Variants in LRRC37A2 observed in about 807,000 individuals in gnomAD.
The protein encoded by LRRC37A2 is leucine rich repeat containing 37 member A2, also known as leucine-rich repeat-containing protein 37A2.
LRRC37A2 carries 9 observed loss-of-function variants against 68.8 expected under a neutral mutation model. That is an observed-to-expected ratio of 0.13 (90% CI 0.08 to 0.23). The LOEUF is 0.23. Among genes scored for constraint, LRRC37A2 ranks in the 10% least tolerant of loss-of-function variants. The probability of loss-of-function intolerance (pLI) is 1.00; values close to 1 mark genes in which losing one functional copy is unlikely to be tolerated. For synonymous variants in LRRC37A2, 63 were observed against 367.6 expected (o/e 0.17, Z 9.48); for missense variants, 168 against 950.4 (o/e 0.18, Z 10.82).
the LRRC37A2 span, among the ~76,000 whole-genome samples, chr17:46,976,127 T>C: frequency 6.6e-6 from 1 of 151,552 alleles, no homozygotes; most frequent in African/African-American, 2.4e-5. Flanking sequence ...CGGGTTTCAC[T>C]GTGTTAGCCA....
the LRRC37A2 span, among the ~76,000 whole-genome samples, chr17:46,414,475 C>T: frequency 6.6e-6 from 1 of 151,576 alleles, no homozygotes; most frequent in Non-Finnish European, 1.5e-5. Context: ...AGGGAATCTT[C>T]TGGAGGAATC....
chr17:47,006,923 A>G, the LRRC37A2 span, among the ~76,000 whole-genome samples: 1 of 152,236 alleles, frequency 6.6e-6, no homozygotes, highest in Non-Finnish European at 1.5e-5. Flanking sequence ...CGATTCAAAC[A>G]TTATGAAGTA....
chr17:46,896,474 A>AAGAAAGAC, the LRRC37A2 span, among the ~76,000 whole-genome samples: 40 of 131,098 alleles, frequency 3.1e-4, 1 homozygote, highest in African/African-American at 1.3e-3. Flanking sequence ...GAAAGAAAGA[A>AAGAAAGAC]AGACAGACCA....
the LRRC37A2 span, among the ~76,000 whole-genome samples, chr17:46,816,471 A>ACATG: frequency 2.5e-5 from 2 of 78,926 alleles, no homozygotes; most frequent in Non-Finnish European, 4.5e-5. Context: ...GACCCAGAAC[A>ACATG]CACGCACACA....
At chr17:46,686,070 G>GA in the LRRC37A2 span, among the ~76,000 whole-genome samples, 14 of 61,418 alleles carry the variant, frequency 2.3e-4, no homozygotes, top group South Asian at 9.6e-4. Context: ...CAACCTTGAA[G>GA]AAAAAAAAAA....
the LRRC37A2 span, among the ~76,000 whole-genome samples, chr17:46,748,101 TTTTA>T: frequency 2.0e-5 from 3 of 152,106 alleles, no homozygotes; most frequent in Non-Finnish European, 4.4e-5. Flanking sequence ...TTTCTAACCT[TTTTA>T]TTTATTTATT....
chr17:46,821,822 G>T, the LRRC37A2 span, among the ~76,000 whole-genome samples: 2 of 152,210 alleles, frequency 1.3e-5, no homozygotes, highest in Non-Finnish European at 1.5e-5. Flanking sequence ...GGGGCTCAGA[G>T]TCTGCCGCTG....
At chr17:46,500,999 G>C in the LRRC37A2 span, among the ~76,000 whole-genome samples, 3 of 151,130 alleles carry the variant, frequency 2.0e-5, no homozygotes, top group African/African-American at 7.4e-5. Flanking sequence ...GGCTAACATG[G>C]TGAGACCCCG....
At chr17:46,917,677 A>G in the LRRC37A2 span, among the ~76,000 whole-genome samples, 1 of 152,188 alleles carries the variant, frequency 6.6e-6, no homozygotes, top group African/African-American at 2.4e-5. Context: ...ACTGCAGACT[A>G]TGTGGTGGCT....
chr17:47,000,063 TTA>T, the LRRC37A2 span, among the ~76,000 whole-genome samples: 6 of 17,728 alleles, frequency 3.4e-4, no homozygotes, highest in African/African-American at 7.0e-4. Flanking sequence ...TAAAATAAAA[TTA>T]AAATAAAATA....
At chr17:46,777,524 G>T in the LRRC37A2 span, among the ~76,000 whole-genome samples, 3 of 152,266 alleles carry the variant, frequency 2.0e-5, no homozygotes, top group African/African-American at 7.2e-5. Context: ...CCAGGAAGAA[G>T]GTGCCACTGA....
chr17:46,901,770 C>T, the LRRC37A2 span, among the ~76,000 whole-genome samples: 23 of 151,632 alleles, frequency 1.5e-4, no homozygotes, highest in Admixed American at 9.9e-4. Flanking sequence ...ATGTCAGCTG[C>T]CTTGTACTGT....
chr17:46,939,120 A>G, the LRRC37A2 span: 1 of 1,183,820 alleles, frequency 8.4e-7, no homozygotes, highest in Non-Finnish European at 1.1e-6. Context: ...GACTGTCCAC[A>G]CGGTTCACAC....
chr17:46,439,385 CAAAA>C, the LRRC37A2 span, among the ~76,000 whole-genome samples: 4 of 137,044 alleles, frequency 2.9e-5, no homozygotes, highest in Non-Finnish European at 3.1e-5. Flanking sequence ...TACATAGAGC[CAAAA>C]AAAAAAAAAA....
the LRRC37A2 span, among the ~76,000 whole-genome samples, chr17:46,900,385 G>A: frequency 1.3e-5 from 2 of 151,840 alleles, no homozygotes; most frequent in East Asian, 1.9e-4. Flanking sequence ...CTAGTAGCTG[G>A]GACTAGAGGT....
chr17:46,622,399 A>T, the LRRC37A2 span, among the ~76,000 whole-genome samples: 1 of 150,578 alleles, frequency 6.6e-6, no homozygotes. Context: ...CGGAGCTTGC[A>T]GTAAGCCGAT....
chr17:46,924,724 C>G, the LRRC37A2 span, among the ~76,000 whole-genome samples: 1 of 152,128 alleles, frequency 6.6e-6, no homozygotes, highest in African/African-American at 2.4e-5. Context: ...CTGGGGAGCC[C>G]TATTCTCACA....
the LRRC37A2 span, among the ~76,000 whole-genome samples, chr17:46,656,047 CT>C: frequency 5.4e-5 from 1 of 18,668 alleles, no homozygotes; most frequent in African/African-American, 3.2e-4. Flanking sequence ...CTTTTATTAT[CT>C]TACTTGAATG....
the LRRC37A2 span, among the ~76,000 whole-genome samples, chr17:46,766,396 GACTCAGTCTC>G: frequency 6.7e-6 from 1 of 149,924 alleles, no homozygotes; most frequent in Non-Finnish European, 1.5e-5. Flanking sequence ...GACAAAGAGA[GACTCAGTCTC>G]AAAAAAAAAA....
Sources: allele counts gnomAD v4.1 joint callset (sites outside exome capture counted in the v4.1 genomes callset), GRCh38; gene constraint gnomAD v4.1.1; transcripts MANE v1.5; gene names NCBI Gene and HGNC (gene_info 2026-07-23, HGNC 2026-07-21).